The following ADGRL3 variants were observed in gnomAD, a reference collection of about 807,000 sequenced individuals.
ADGRL3 encodes the protein calcium-independent alpha-latrotoxin receptor 3.
Under a neutral mutation model 153.5 loss-of-function variants are expected in ADGRL3, and 62 were observed. The observed-to-expected ratio is 0.40, with a 90% CI of 0.33 to 0.50. ADGRL3 has a LOEUF of 0.50. Among genes scored for constraint, ADGRL3 ranks in the 20% least tolerant of loss-of-function variants. The pLI is 0.47. For missense variants in ADGRL3, 1,641 were observed against 1,859.4 expected, an observed-to-expected ratio of 0.88 and a Z score of 2.16; for synonymous variants, 710 against 672.5, an observed-to-expected ratio of 1.06 and a Z score of -0.86.
At chr4:61,898,377 A>C (rs2098643713) in intron 11 of ADGRL3, among the ~76,000 whole-genome samples, 1 of 152,122 alleles carries the variant, frequency 6.6e-6, no homozygotes, top group East Asian at 1.9e-4. Flanking sequence ...GACACACACA[A>C]GGAGTGAGTT....
chr4:62,026,629 T>C (rs1367776815), intron 21 of ADGRL3, among the ~76,000 whole-genome samples: 1 of 151,844 alleles, frequency 6.6e-6, no homozygotes, highest in Non-Finnish European at 1.5e-5. Context: ...AGTACAGAGA[T>C]AGAGAACAAA....
At chr4:61,563,396 C>G (rs1028308388) in intron 4 of ADGRL3, among the ~76,000 whole-genome samples, 1 of 152,136 alleles carries the variant, frequency 6.6e-6, no homozygotes, top group Admixed American at 6.6e-5. Context: ...TAGCATAATT[C>G]TTAAGGGCCT....
chr4:61,296,974 CAA>C (rs2094432826), intron 1 of ADGRL3, among the ~76,000 whole-genome samples: 1 of 152,002 alleles, frequency 6.6e-6, no homozygotes, highest in Non-Finnish European at 1.5e-5. Context: ...GTCACTATTT[CAA>C]AAGAGAAAGA....
At chr4:61,244,670 A>G (rs961756230) in intron 1 of ADGRL3, among the ~76,000 whole-genome samples, 2 of 151,924 alleles carry the variant, frequency 1.3e-5, no homozygotes, top group Admixed American at 6.6e-5. Context: ...CACAGATGGA[A>G]TCAGCCCCCA....
At chr4:61,295,999 A>G (rs1331206121) in intron 1 of ADGRL3, among the ~76,000 whole-genome samples, 2 of 152,140 alleles carry the variant, frequency 1.3e-5, no homozygotes, top group African/African-American at 2.4e-5. Context: ...ACAGTATGAC[A>G]TTGATAACTG....
At chr4:61,774,012 C>A (rs1221734502) in intron 8 of ADGRL3, among the ~76,000 whole-genome samples, 1 of 152,116 alleles carries the variant, frequency 6.6e-6, no homozygotes, top group South Asian at 2.1e-4. Context: ...CAGTTACCTG[C>A]GGTCAACCGA....
chr4:61,255,176 G>C (rs1313946749), intron 1 of ADGRL3, among the ~76,000 whole-genome samples: 1 of 152,138 alleles, frequency 6.6e-6, no homozygotes, highest in Non-Finnish European at 1.5e-5. Context: ...ATATCCCGTT[G>C]TTCTTGAACA....
At chr4:61,413,283 T>C (rs1469047078) in intron 2 of ADGRL3, among the ~76,000 whole-genome samples, 3 of 151,760 alleles carry the variant, frequency 2.0e-5, no homozygotes, top group Non-Finnish European at 4.4e-5. Context: ...ATACCCGGGG[T>C]CGGTGTGCCT....
chr4:61,650,583 G>T (rs1184935255), intron 5 of ADGRL3, among the ~76,000 whole-genome samples: 1 of 151,962 alleles, frequency 6.6e-6, no homozygotes, highest in Non-Finnish European at 1.5e-5. Context: ...GGTGGTGGTG[G>T]TGTTTTATTT....
chr4:61,423,684 A>G (rs182583209), intron 2 of ADGRL3, among the ~76,000 whole-genome samples: 13 of 152,300 alleles, frequency 8.5e-5, no homozygotes, highest in African/African-American at 2.4e-5. Flanking sequence ...TGGGATTAGT[A>G]GGAGAGGGTC....
intron 2 of ADGRL3, among the ~76,000 whole-genome samples, chr4:61,449,503 A>G (rs977457512): frequency 3.3e-5 from 5 of 152,060 alleles, no homozygotes; most frequent in Non-Finnish European, 5.9e-5. Context: ...GACTGTACCT[A>G]GGCAGGTACA....
rs751416704 is a variant in ADGRL3 at position 61,676,951 on chromosome 4, T to A, written c.583+16T>A. 49 of 1,502,028 alleles carry A rather than the reference T, an allele frequency of 3.3e-5. No individual in the cohort carries two copies. In the South Asian group the frequency reaches 5.5e-4, roughly 17 times the overall value. The allele number at this position is 1,502,028 out of a possible 1,614,324, so 93.0% of individuals were successfully genotyped here. ...GTCCCTTACAGTATGTATATTCCTATACTTTTCTTGGCAAGAGAAAAGATA... is the reference window on the plus strand; with the variant it reads ...GTCCCTTACAGTATGTATATTCCTAAACTTTTCTTGGCAAGAGAAAAGATA... On this transcript the variant is annotated intron_variant, in intron 6 of 26. Coordinates refer to ENST00000683033, the MANE Select transcript of ADGRL3 (RefSeq NM_001387552.1).
chr4:62,009,494 G>A (rs2099174198), intron 21 of ADGRL3, among the ~76,000 whole-genome samples: 1 of 151,990 alleles, frequency 6.6e-6, no homozygotes, highest in Admixed American at 6.6e-5. Context: ...TACACTCATT[G>A]TTATTTGTCA....
At chr4:61,449,155 G>T (rs2097642760) in intron 2 of ADGRL3, among the ~76,000 whole-genome samples, 5 of 150,416 alleles carry the variant, frequency 3.3e-5, no homozygotes, top group Admixed American at 1.3e-4. Context: ...TTTATTTTTT[G>T]AGACGGAGTC....
chr4:61,325,366 C>T (rs959789545), intron 1 of ADGRL3, among the ~76,000 whole-genome samples: 1 of 152,060 alleles, frequency 6.6e-6, no homozygotes, highest in Non-Finnish European at 1.5e-5. Flanking sequence ...CAATTTATAA[C>T]ATACATTTAT....
At chr4:61,472,516 A>G (rs1442748246) in intron 2 of ADGRL3, among the ~76,000 whole-genome samples, 1 of 152,100 alleles carries the variant, frequency 6.6e-6, no homozygotes, top group Non-Finnish European at 1.5e-5. Context: ...CCATACAAAA[A>G]AGAAGATGTC....
chr4:62,072,495 G>A lies in ADGRL3; in HGVS notation c.*1587G>A, dbSNP rs532362788. 13 of 152,290 alleles carry A rather than the reference G, an allele frequency of 8.5e-5. No homozygotes were observed. The highest frequency in any genetic ancestry group is 4.2e-4 in the South Asian group (2 of 4,818). 9.4% of individuals were successfully genotyped at this position (152,290 alleles called of 1,614,324 possible). A position where few individuals can be genotyped will look rare whatever the true frequency, so the allele number is the denominator to read the frequency against. On this transcript the variant is annotated 3_prime_UTR_variant, in exon 27 of 27. Coordinates refer to ENST00000683033, the MANE Select transcript of ADGRL3 (RefSeq NM_001387552.1). ...ATTAATCAGTCTTTTTATTTTTCTC[G>A]CCTTTCTTTCTTTCTGTTTTCAATA...
chr4:61,663,396 G>T (rs927876773), intron 5 of ADGRL3, among the ~76,000 whole-genome samples: 7 of 152,240 alleles, frequency 4.6e-5, no homozygotes, highest in Admixed American at 1.3e-4. Flanking sequence ...TACTATGCCT[G>T]GTCCAGCCAC....
intron 9 of ADGRL3, among the ~76,000 whole-genome samples, chr4:61,870,784 A>G (rs928058161): frequency 1.3e-5 from 2 of 152,210 alleles, no homozygotes; most frequent in South Asian, 2.1e-4. Context: ...TCAAAATGAC[A>G]GATAACTTTA....
Sources: allele counts gnomAD v4.1 joint callset (sites outside exome capture counted in the v4.1 genomes callset), GRCh38; gene constraint gnomAD v4.1.1; transcripts MANE v1.5; gene names NCBI Gene and HGNC (gene_info 2026-07-23, HGNC 2026-07-21).